MIB1: variants seen among roughly 807,000 people sequenced by gnomAD.
MIB1 encodes E3 ubiquitin-protein ligase MIB1.
In MIB1, 278 loss-of-function variants were observed where a neutral mutation model predicts 124.5. That is an observed-to-expected ratio of 2.23 (90% CI 2.02 to 2.47). The LOEUF (loss-of-function observed/expected upper bound fraction) is 2.47, where lower values mean the gene tolerates loss of function less well. Among genes scored for constraint, MIB1 ranks in the 30% most tolerant of loss-of-function variants. The probability of loss-of-function intolerance (pLI) is 0.00; values close to 1 mark genes in which losing one functional copy is unlikely to be tolerated. For missense variants in MIB1, 957 were observed against 1,254.4 expected (o/e 0.76, Z 3.58); for synonymous variants, 446 against 429.4 (o/e 1.04, Z -0.48).
intron 1 of MIB1, among the ~76,000 whole-genome samples, chr18:21,759,318 C>T (rs547744623): frequency 1.8e-4 from 28 of 152,004 alleles, no homozygotes; most frequent in South Asian, 2.1e-4. Context: ...TCTCGGCTCA[C>T]GGCAGCCTCC....
chr18:21,810,500 C>T (rs1195267628), intron 10 of MIB1, among the ~76,000 whole-genome samples: 1 of 151,856 alleles, frequency 6.6e-6, no homozygotes, highest in African/African-American at 2.4e-5. Flanking sequence ...TACCACAAGG[C>T]AACAGTAATC....
At chr18:21,790,615 T>A (rs2041491368) in intron 6 of MIB1, among the ~76,000 whole-genome samples, 1 of 152,132 alleles carries the variant, frequency 6.6e-6, no homozygotes, top group African/African-American at 2.4e-5. Context: ...GGAAAACAAC[T>A]AGATTATGAA....
chr18:21,737,388 A>G (rs2146368194), upstream of MIB1, among the ~76,000 whole-genome samples: 1 of 152,322 alleles, frequency 6.6e-6, no homozygotes, highest in East Asian at 1.9e-4. Flanking sequence ...AGCACTAAAC[A>G]TGGAAAGGAA....
At chr18:21,759,185 G>GCC (rs2041068449) in intron 1 of MIB1, among the ~76,000 whole-genome samples, 1 of 150,882 alleles carries the variant, frequency 6.6e-6, no homozygotes, top group South Asian at 2.1e-4. Context: ...TAATAGTATT[G>GCC]TTTCAACATT....
intron 1 of MIB1, among the ~76,000 whole-genome samples, chr18:21,717,982 A>G (rs535627207): frequency 6.6e-6 from 1 of 152,244 alleles, no homozygotes; most frequent in African/African-American, 2.4e-5. Flanking sequence ...GTAAAAATAT[A>G]GAACCAACCC....
At chr18:21,791,338 A>G in intron 6 of MIB1, 36 bp from the exon 7 acceptor site, 1 of 1,540,422 alleles carries the variant, frequency 6.5e-7, no homozygotes, top group Non-Finnish European at 8.8e-7. Flanking sequence ...AATTAAGCAA[A>G]GCTACCCATT....
At chr18:21,778,060 T>C in intron 4 of MIB1, 43 bp from the exon 5 acceptor site, 1 of 1,374,326 alleles carries the variant, frequency 7.3e-7, no homozygotes, top group Non-Finnish European at 1.0e-6. Flanking sequence ...TGAGCCATAT[T>C]TGAAGTTTCA....
At chr18:21,757,112 A>T (rs1320515176) in intron 1 of MIB1, among the ~76,000 whole-genome samples, 3 of 152,016 alleles carry the variant, frequency 2.0e-5, no homozygotes, top group African/African-American at 7.2e-5. Context: ...AAGAGTTGGA[A>T]GTAGATGGTG....
At chr18:21,796,598 T>C (rs1249300176) in intron 7 of MIB1, among the ~76,000 whole-genome samples, 1 of 152,106 alleles carries the variant, frequency 6.6e-6, no homozygotes, top group Non-Finnish European at 1.5e-5. Context: ...AAACAAAAGC[T>C]CCTATTTCCT....
intron 6 of MIB1, among the ~76,000 whole-genome samples, chr18:21,783,908 A>G (rs2041401525): frequency 6.6e-6 from 1 of 151,982 alleles, no homozygotes; most frequent in Non-Finnish European, 1.5e-5. Context: ...CACCATGGTC[A>G]TTAAAAATTT....
At chr18:21,761,475 A>C (rs1346040544) in intron 1 of MIB1, among the ~76,000 whole-genome samples, 2 of 152,126 alleles carry the variant, frequency 1.3e-5, no homozygotes, top group African/African-American at 4.8e-5. Context: ...GGAAGACCAA[A>C]TGTATATTTA....
At chr18:21,743,474 A>G (rs1193818550) in intron 1 of MIB1, among the ~76,000 whole-genome samples, 2 of 152,206 alleles carry the variant, frequency 1.3e-5, no homozygotes, top group Admixed American at 6.5e-5. Context: ...ATCCTTGTGT[A>G]TATGTGTTGA....
In MIB1 at chr18:21,857,305, T is replaced by C. The variant is rs141960205; in HGVS notation, c.2779+62T>C. ...TTTTTTTGGGACTTGCATAAACACCTCTTCTCTTTCGTAATACACTACTGC... is the reference window on the plus strand; with the variant it reads ...TTTTTTTGGGACTTGCATAAACACCCCTTCTCTTTCGTAATACACTACTGC... On this transcript the variant is annotated intron_variant, in intron 19 of 20. Coordinates refer to ENST00000261537, the MANE Select transcript of MIB1 (RefSeq NM_020774.4). 8 of 986,594 alleles carry C rather than the reference T, an allele frequency of 8.1e-6. No homozygotes were observed. The East Asian group carries it at 1.9e-4, about 24-fold the overall frequency. 61.1% of individuals were successfully genotyped at this position (986,594 alleles called of 1,614,324 possible).
At chr18:21,722,172 A>G (rs934882251) in intron 1 of MIB1, among the ~76,000 whole-genome samples, 6 of 151,574 alleles carry the variant, frequency 4.0e-5, no homozygotes, top group Middle Eastern at 3.4e-3. Flanking sequence ...TTCCTGCTTC[A>G]GCCTCCTGAG....
chr18:21,818,612 T>C (rs2041851360), intron 11 of MIB1, among the ~76,000 whole-genome samples: 1 of 152,166 alleles, frequency 6.6e-6, no homozygotes, highest in Non-Finnish European at 1.5e-5. Flanking sequence ...AAGACCAGCA[T>C]GGGCAACATA....
At chr18:21,815,011 T>TTATATACATATA (rs1402179214) in intron 10 of MIB1, among the ~76,000 whole-genome samples, 19 of 52,650 alleles carry the variant, frequency 3.6e-4, no homozygotes, top group African/African-American at 1.1e-3. Context: ...GCTGTTGGTT[T>TTATATACATATA]TATATATATA....
Position 21,870,561 on chromosome 18 carries a change from A to T in MIB1, c.*5895A>T, listed in dbSNP as rs1395945843. The stretch of plus-strand genomic sequence containing the variant: ...AAGCTTATTCCTCTTCACAACTCAG[A>T]TGTAGATTTCATTTTCAAGAGGTAG... On this transcript the variant is annotated 3_prime_UTR_variant, in exon 21 of 21. Transcript: ENST00000261537. The T allele has an allele frequency of 6.6e-6, 1 of 152,184 alleles. No homozygotes were observed. The highest frequency in any genetic ancestry group is 1.5e-5 in the Non-Finnish European group (1 of 68,018). The allele number at this position is 152,184 out of a possible 1,614,324, so 9.4% of individuals were successfully genotyped here.
chr18:21,825,891 C>A, intron 12 of MIB1: 1 of 365,438 alleles, frequency 2.7e-6, no homozygotes, highest in Non-Finnish European at 5.6e-6. Context: ...ATGCTTCAGT[C>A]ACTGAATGTC....
intron 4 of MIB1, 34 bp from the exon 5 acceptor site, chr18:21,778,069 C>CTTCAAAT (rs760209786): frequency 2.7e-6 from 4 of 1,506,544 alleles, no homozygotes; most frequent in Non-Finnish European, 3.7e-6. Flanking sequence ...TTTGAAGTTT[C>CTTCAAAT]ATGGGTGATT....
Sources: allele counts gnomAD v4.1 joint callset (sites outside exome capture counted in the v4.1 genomes callset), GRCh38; gene constraint gnomAD v4.1.1; transcripts MANE v1.5; gene names NCBI Gene and HGNC (gene_info 2026-07-23, HGNC 2026-07-21).